Variants in B4GALNT4 observed in about 807,000 individuals in gnomAD.
The protein encoded by B4GALNT4 is N-acetyl-beta-glucosaminyl-glycoprotein 4-beta-N-acetylgalactosaminyltransferase 1.
B4GALNT4 carries 77 observed loss-of-function variants against 110.0 expected under a neutral mutation model. That is an observed-to-expected ratio of 0.70 (90% CI 0.58 to 0.85). The LOEUF is 0.85. Among genes scored for constraint, B4GALNT4 ranks in the 40% least tolerant of loss-of-function variants. The probability of loss-of-function intolerance (pLI) is 0.00; values close to 1 mark genes in which losing one functional copy is unlikely to be tolerated. For synonymous variants in B4GALNT4, 785 were observed against 655.5 expected, an observed-to-expected ratio of 1.20 and a Z score of -3.02; for missense variants, 1,575 against 1,506.0, an observed-to-expected ratio of 1.05 and a Z score of -0.76.
intron 19 of B4GALNT4, chr11:381,189 C>A: frequency 1.0e-6 from 1 of 972,714 alleles, no homozygotes; most frequent in Non-Finnish European, 1.2e-6. Context: ...AGCTCTGCCC[C>A]CGATCCCATA....
At chr11:371,014 G>A (rs1846609677) in intron 1 of B4GALNT4, among the ~76,000 whole-genome samples, 1 of 152,270 alleles carries the variant, frequency 6.6e-6, no homozygotes, top group Middle Eastern at 3.4e-3. Flanking sequence ...AGCAGACAGG[G>A]CAGGATCCAC....
intron 1 of B4GALNT4, among the ~76,000 whole-genome samples, chr11:370,875 T>C (rs2119633159): frequency 6.6e-6 from 1 of 152,154 alleles, no homozygotes; most frequent in South Asian, 2.1e-4. Context: ...TCTCTTCCTG[T>C]ACCGGGACGC....
intron 18 of B4GALNT4, 116 bp downstream of exon 18, chr11:380,561 G>A: frequency 7.0e-7 from 1 of 1,420,186 alleles, no homozygotes; most frequent in South Asian, 1.2e-5. Context: ...GTCCATCAGT[G>A]CTCCCCGTAG....
At position 376,572 on chromosome 11, in the gene B4GALNT4, G is replaced by T; in HGVS notation, c.1449G>T (p.Arg483=). 6 of 1,351,132 alleles carry T rather than the reference G, an allele frequency of 4.4e-6. No individual in the cohort carries two copies. Among genetic ancestry groups the T allele is most frequent in the Non-Finnish European group, 5.7e-6 (6 of 1,060,722 alleles). 83.7% of individuals were successfully genotyped at this position (1,351,132 alleles called of 1,614,324 possible). A position where few individuals can be genotyped will look rare whatever the true frequency, so the allele number is the denominator to read the frequency against. Residue 483 remains arginine (R), a synonymous_variant, in exon 14 of 20, where the codon CGG becomes CGT. Coordinates refer to ENST00000329962, the MANE Select transcript of B4GALNT4 (RefSeq NM_178537.5). The part of the protein sequence containing the change: ...TLAPPTPPRP[R]DGGTPRHSRA... ...CCCCGCCGACCCCTCCCCGCCCCCG[G>T]GACGGGGGGACCCCCAGGCACTCCC... is the stretch of plus-strand genomic sequence containing the variant.
chr11:373,311 G>A lies in B4GALNT4; in HGVS notation c.636+20G>A, dbSNP rs1375866165. ...GGCAAGGTACCCCCACCCCAGCCCT[G>A]GTGTCGTCCCGGGCCTCCTGCAGCT... On this transcript the variant is annotated intron_variant, in intron 6 of 19. Transcript: ENST00000329962. 3 of 1,602,030 alleles carry A rather than the reference G, an allele frequency of 1.9e-6. No individual in the cohort carries two copies. The highest frequency in any genetic ancestry group is 2.6e-6 in the Non-Finnish European group (3 of 1,172,980).
At chr11:374,450 G>T (rs1846684093) in intron 8 of B4GALNT4, among the ~76,000 whole-genome samples, 1 of 150,218 alleles carries the variant, frequency 6.7e-6, no homozygotes, top group East Asian at 2.0e-4. Flanking sequence ...TGTGTGGAGG[G>T]CACGTTTCAC....
At position 380,851 on chromosome 11, in the gene B4GALNT4, C is replaced by A; in HGVS notation, c.2896C>A (p.Leu966Ile). The part of the protein sequence containing the change: ...HGYWEVNGFG[L>I]FGIYKSDFDR... ...TTACTGGGAGGTGAACGGCTTTGGC[C>A]TTTTTGGGATCTACAAGTCGGACTT... Residue 966 changes from leucine (L) to isoleucine (I), a missense_variant, in exon 19 of 20, where the codon CTT becomes ATT. By Grantham distance (5) the Leu-to-Ile change is conservative. Transcript: ENST00000329962. 6.2e-7 allele frequency: 1 copy of A among 1,613,826 alleles called. No individual in the cohort carries two copies.
At chr11:369,985 G>A (rs1194147651) in intron 1 of B4GALNT4, 31 bp downstream of exon 1, 2 of 354,704 alleles carry the variant, frequency 5.6e-6, no homozygotes, top group Non-Finnish European at 7.3e-6. Context: ...GGGGCGCGGG[G>A]GGCGGGGGCG....
intron 1 of B4GALNT4, among the ~76,000 whole-genome samples, chr11:370,691 A>G (rs1007440066): frequency 6.6e-6 from 1 of 152,138 alleles, no homozygotes; most frequent in Non-Finnish European, 1.5e-5. Flanking sequence ...TTGGGGGAGA[A>G]GGTGGGGCAG....
rs1326897777 is a variant in B4GALNT4 at position 377,151 on chromosome 11, T to C, written c.2028T>C (p.Arg676=). 10 of 1,545,146 alleles carry C rather than the reference T, an allele frequency of 6.5e-6. No individual in the cohort carries two copies. Among genetic ancestry groups the C allele is most frequent in the South Asian group, 1.2e-5 (1 of 83,364 alleles). The part of the protein sequence containing the change: ...EAAGPALGRW[R]EDAIDWQRTF... Reference sequence around the variant, plus strand: ...CGGGCCCGGCGCTCGGACGCTGGCGTGAGGACGCCATCGACTGGCAGCGCA... The same window carrying C: ...CGGGCCCGGCGCTCGGACGCTGGCGCGAGGACGCCATCGACTGGCAGCGCA... The change falls in exon 14 of 20, where the codon CGT becomes CGC. Residue 676 remains arginine (R), a synonymous_variant. Transcript: ENST00000329962.
At position 373,092 on chromosome 11, in the gene B4GALNT4, G is replaced by C; in HGVS notation, c.511G>C (p.Gly171Arg). The change falls in exon 5 of 20, where the codon GGT becomes CGT. Residue 171 changes from glycine (G) to arginine (R), a missense_variant. Physicochemically the swap from Gly to Arg is moderately radical, Grantham distance 125. Coordinates refer to ENST00000329962, the MANE Select transcript of B4GALNT4 (RefSeq NM_178537.5). ...GAAGAACTATGGACTCCGTATTTTT[G>C]GTTTCATCCACCCGGCGAGGGACGG... ...KWKNYGLRIF[G>R]FIHPARDGDV... The C allele has an allele frequency of 6.2e-7, 1 of 1,612,456 alleles. No homozygotes were observed. Among genetic ancestry groups the C allele is most frequent in the Non-Finnish European group, 8.5e-7 (1 of 1,179,820 alleles).
intron 2 of B4GALNT4, 124 bp downstream of exon 2, chr11:372,336 T>C: frequency 1.2e-6 from 1 of 865,334 alleles, no homozygotes; most frequent in Non-Finnish European, 1.9e-6. Flanking sequence ...ACACAGGACA[T>C]GTGGGGCACG....
At chr11:379,369 G>C in intron 14 of B4GALNT4, 49 bp from the exon 15 acceptor site, 1 of 1,424,134 alleles carries the variant, frequency 7.0e-7, no homozygotes, top group Non-Finnish European at 9.1e-7. Flanking sequence ...GGTTGCGGGC[G>C]GGGTGCAGGC....
At position 376,306 on chromosome 11, in the gene B4GALNT4, G is replaced by A; in HGVS notation, c.1252G>A (p.Glu418Lys). 4 of 1,610,550 alleles carry A rather than the reference G, an allele frequency of 2.5e-6. No homozygotes were observed. Among genetic ancestry groups the A allele is most frequent in the South Asian group, 1.1e-5 (1 of 90,984 alleles). Residue 418 changes from glutamate (E) to lysine (K), a missense_variant, in exon 13 of 20, where the codon GAA becomes AAA. Glu to Lys is a moderately conservative substitution (Grantham distance 56). Transcript: ENST00000329962. ...MDKEEGDEDE[E>K]DEVQRRAFLF... ...CAAGGAGGAGGGGGATGAGGATGAA[G>A]AAGACGAGGTGCAGCGCCGAGCCTT...
At chr11:369,990 G>GGGGCGGCGCGGGGTCGCGGGGGGCGC in intron 1 of B4GALNT4, 36 bp downstream of exon 1, 1 of 195,602 alleles carries the variant, frequency 5.1e-6, no homozygotes, top group Non-Finnish European at 7.1e-6. Context: ...GCGGGGGGCG[G>GGGGCGGCGCGGGGTCGCGGGGGGCGC]GGGCGGCGCG....
At chr11:372,634 T>C in intron 2 of B4GALNT4, 28 bp from the exon 3 acceptor site, 4 of 1,595,100 alleles carry the variant, frequency 2.5e-6, no homozygotes, top group Non-Finnish European at 1.7e-6. Context: ...CTTCCAACCC[T>C]GACCCTGTTG....
intron 8 of B4GALNT4, 143 bp from the exon 9 acceptor site, chr11:375,318 C>G: frequency 1.1e-6 from 1 of 871,734 alleles, no homozygotes; most frequent in South Asian, 1.4e-5. Flanking sequence ...CTTGGAACGC[C>G]CCGGACCCCT....
In B4GALNT4 at chr11:380,882, G is replaced by C. The variant is rs1229684203; in HGVS notation, c.2927G>C (p.Arg976Pro). ...GGGATCTACAAGTCGGACTTTGACC[G>C]GGTTGGAGGAATGAACACGGAGGAG... is the stretch of plus-strand genomic sequence containing the variant. Reference protein sequence around the residue: ...LFGIYKSDFDRVGGMNTEEFR... With the variant: ...LFGIYKSDFDPVGGMNTEEFR... Residue 976 changes from arginine to proline, a missense_variant, in exon 19 of 20, where the codon CGG (arginine) becomes CCG (proline). Coordinates refer to ENST00000329962, the MANE Select transcript of B4GALNT4 (RefSeq NM_178537.5). 2 of 1,613,716 alleles carry C rather than the reference G, an allele frequency of 1.2e-6. No homozygotes were observed. Among genetic ancestry groups the C allele is most frequent in the African/African-American group, 1.3e-5 (1 of 74,858 alleles).
chr11:377,501 TTCCTGGCG>T (rs1187654545), intron 14 of B4GALNT4, among the ~76,000 whole-genome samples, 174 bp downstream of exon 14: 1 of 152,146 alleles, frequency 6.6e-6, no homozygotes, highest in East Asian at 1.9e-4. Flanking sequence ...CTCTCCTTCC[TTCCTGGCG>T]TCCTGACTGC....
Sources: gnomAD v4.1 joint callset for allele counts (sites outside exome capture counted in the v4.1 genomes callset) on GRCh38, gnomAD v4.1.1 for gene constraint, MANE v1.5 for transcripts, NCBI Gene and HGNC (gene_info 2026-07-23, HGNC 2026-07-21) for gene names.